Variants in TESC observed in about 807,000 individuals in gnomAD.
The protein encoded by TESC is tescalcin.
A neutral mutation model predicts 31.0 loss-of-function variants in TESC; 19 were observed. That is an observed-to-expected ratio of 0.61 (90% CI 0.43 to 0.90). TESC has a LOEUF of 0.90. Ranked by LOEUF, TESC falls within the 40% of genes least tolerant of loss-of-function variation. TESC has a pLI of 0.00. For missense variants in TESC, 248 were observed against 303.8 expected (o/e 0.82, Z 1.36); for synonymous variants, 109 against 114.8 (o/e 0.95, Z 0.32).
intron 1 of TESC, among the ~76,000 whole-genome samples, chr12:117,081,865 C>T (rs866876020): frequency 6.6e-6 from 1 of 151,960 alleles, no homozygotes; most frequent in Middle Eastern, 3.4e-3. Flanking sequence ...GATCGTGCCA[C>T]TGCACTCCAG....
At chr12:117,080,750 C>T (rs1955134712) in intron 1 of TESC, among the ~76,000 whole-genome samples, 1 of 152,062 alleles carries the variant, frequency 6.6e-6, no homozygotes. Flanking sequence ...CCTAACTGCG[C>T]CCCCCCAACC....
At chr12:117,054,701 C>A (rs921017194) in intron 3 of TESC, among the ~76,000 whole-genome samples, 1 of 152,178 alleles carries the variant, frequency 6.6e-6, no homozygotes, top group African/African-American at 2.4e-5. Context: ...CAGGGTCCCA[C>A]ATCCCTGGCA....
At chr12:117,065,916 G>A (rs1954872248) in intron 2 of TESC, among the ~76,000 whole-genome samples, 1 of 152,030 alleles carries the variant, frequency 6.6e-6, no homozygotes, top group Admixed American at 6.6e-5. Flanking sequence ...GGTGTTTCAG[G>A]CCACATCTGT....
At chr12:117,054,690 C>T (rs1216389586) in intron 3 of TESC, among the ~76,000 whole-genome samples, 3 of 152,174 alleles carry the variant, frequency 2.0e-5, no homozygotes, top group Non-Finnish European at 2.9e-5. Context: ...AGCACCTTGT[C>T]CAGGGTCCCA....
At chr12:117,075,895 ATATATATATATATATATATG>A (rs1955058028) in intron 1 of TESC, among the ~76,000 whole-genome samples, 1 of 83,050 alleles carries the variant, frequency 1.2e-5, no homozygotes, top group Non-Finnish European at 2.1e-5. Context: ...ATATATATAT[ATATATATATATATATATATG>A]TGTGTGTGTA....
chr12:117,055,239 T>C (rs1199827494), intron 3 of TESC, among the ~76,000 whole-genome samples: 1 of 152,168 alleles, frequency 6.6e-6, no homozygotes, highest in Non-Finnish European at 1.5e-5. Context: ...CCTCCCGAGT[T>C]CAAGGGATTA....
chr12:117,098,740 G>C (rs1955429370), intron 1 of TESC: 1 of 152,798 alleles, frequency 6.5e-6, no homozygotes, highest in African/African-American at 2.4e-5. Flanking sequence ...GACGAAAGCA[G>C]GCGCCGGGCG....
At chr12:117,058,381 G>C (rs1396648976) in intron 2 of TESC, among the ~76,000 whole-genome samples, 2 of 152,132 alleles carry the variant, frequency 1.3e-5, no homozygotes, top group African/African-American at 4.8e-5. Flanking sequence ...TGGTTGTCAG[G>C]GGGTTGGGGA....
At chr12:117,083,041 A>G (rs1955169819) in intron 1 of TESC, among the ~76,000 whole-genome samples, 2 of 152,132 alleles carry the variant, frequency 1.3e-5, no homozygotes, top group African/African-American at 4.8e-5. Flanking sequence ...TTCCTCAATC[A>G]ATTAAACACA....
At chr12:117,067,268 A>T (rs557309399) in intron 2 of TESC, among the ~76,000 whole-genome samples, 2 of 152,224 alleles carry the variant, frequency 1.3e-5, no homozygotes, top group African/African-American at 4.8e-5. Flanking sequence ...TAGTATTTCT[A>T]AAAAAAGCTG....
At chr12:117,088,946 T>A (rs1955261825) in intron 1 of TESC, among the ~76,000 whole-genome samples, 1 of 152,162 alleles carries the variant, frequency 6.6e-6, no homozygotes. Flanking sequence ...CTCCAACAGC[T>A]AAGGGTGGGG....
chr12:117,092,264 A>T (rs1249380704), intron 1 of TESC, among the ~76,000 whole-genome samples: 2 of 152,164 alleles, frequency 1.3e-5, no homozygotes, highest in Non-Finnish European at 2.9e-5. Flanking sequence ...GTGGCACAGG[A>T]CGGCTCCAGC....
intron 1 of TESC, among the ~76,000 whole-genome samples, chr12:117,093,246 G>A (rs1276645450): frequency 2.0e-5 from 3 of 152,216 alleles, no homozygotes; most frequent in African/African-American, 4.8e-5. Flanking sequence ...TGAATGAGCC[G>A]AGGCCACCGT....
chr12:117,075,887 A>ATATATATATATATATGTGTGTGTGTG (rs1955055323), intron 1 of TESC, among the ~76,000 whole-genome samples: 2 of 62,456 alleles, frequency 3.2e-5, no homozygotes, highest in African/African-American at 2.0e-4. Flanking sequence ...ATATATATAT[A>ATATATATATATATATGTGTGTGTGTG]TATATATATA....
chr12:117,046,255 G>A (rs1483218713), intron 6 of TESC, among the ~76,000 whole-genome samples: 1 of 152,208 alleles, frequency 6.6e-6, no homozygotes, highest in Non-Finnish European at 1.5e-5. Flanking sequence ...CCAGGGTCAA[G>A]TGCTGCTGTG....
chr12:117,078,719 T>C (rs1180750858), intron 1 of TESC, among the ~76,000 whole-genome samples: 2 of 152,234 alleles, frequency 1.3e-5, no homozygotes, highest in African/African-American at 2.4e-5. Flanking sequence ...TTAAGTAATT[T>C]AAAAATCCTA....
Position 117,038,987 on chromosome 12 carries a change from C to T in TESC, c.*146G>A, listed in dbSNP as rs181664768. The T allele has an allele frequency of 2.4e-4, 186 of 763,014 alleles. No individual in the cohort carries two copies. In the East Asian group the frequency reaches 4.5e-3, roughly 19 times the overall value. The allele number at this position is 763,014 out of a possible 1,614,324, so 47.3% of individuals were successfully genotyped here. A position where few individuals can be genotyped will look rare whatever the true frequency, so the allele number is the denominator to read the frequency against. Reference sequence around the variant, plus strand: ...AAACAGCGAAGTCCCACATACCATACCCTACAAGACACAAGGTGCGCAGAC... The same window carrying T: ...AAACAGCGAAGTCCCACATACCATATCCTACAAGACACAAGGTGCGCAGAC... On this transcript the variant is annotated 3_prime_UTR_variant, in exon 8 of 8. Transcript: ENST00000335209.
chr12:117,076,667 C>T (rs1048273858), intron 1 of TESC, among the ~76,000 whole-genome samples: 1 of 152,214 alleles, frequency 6.6e-6, no homozygotes, highest in Non-Finnish European at 1.5e-5. Context: ...TGGTCTTGAA[C>T]TCCTGACCTT....
chr12:117,043,653 CAG>C (rs973022581), intron 6 of TESC, among the ~76,000 whole-genome samples: 5 of 152,084 alleles, frequency 3.3e-5, no homozygotes, highest in African/African-American at 7.2e-5. Flanking sequence ...TTAGCAGAGA[CAG>C]GGGTTTCACC....
Sources: gnomAD v4.1 joint callset for allele counts (sites outside exome capture counted in the v4.1 genomes callset) on GRCh38, gnomAD v4.1.1 for gene constraint, MANE v1.5 for transcripts, NCBI Gene and HGNC (gene_info 2026-07-23, HGNC 2026-07-21) for gene names.